Variants in PUM3 observed in about 807,000 individuals in gnomAD.
PUM3 encodes the protein pumilio homolog 3.
In PUM3, 91 loss-of-function variants were observed where a neutral mutation model predicts 84.0. The ratio of observed to expected loss-of-function variants is 1.08; its 90% CI spans 0.91 to 1.29. The LOEUF (loss-of-function observed/expected upper bound fraction) is 1.29, where lower values mean the gene tolerates loss of function less well. PUM3 is among the 50% of genes most tolerant of loss of function. The pLI, the probability that PUM3 is intolerant of heterozygous loss-of-function variation, is 0.00. For synonymous variants in PUM3, 321 were observed against 266.7 expected, an observed-to-expected ratio of 1.20 and a Z score of -1.98; for missense variants, 1,067 against 767.5, an observed-to-expected ratio of 1.39 and a Z score of -4.61.
intron 13 of PUM3, among the ~76,000 whole-genome samples, chr9:2,819,291 A>C (rs904876514): frequency 1.3e-5 from 2 of 152,210 alleles, no homozygotes; most frequent in Admixed American, 1.3e-4. Context: ...TTTAGAATGC[A>C]ATTTTTACTT....
At chr9:2,825,854 G>C (rs1357751975) in intron 10 of PUM3, among the ~76,000 whole-genome samples, 1 of 152,138 alleles carries the variant, frequency 6.6e-6, no homozygotes, top group African/African-American at 2.4e-5. Context: ...CTCCATTTTA[G>C]TCTATTCCCA....
intron 11 of PUM3, among the ~76,000 whole-genome samples, chr9:2,824,155 T>C (rs1382673051): frequency 6.6e-6 from 1 of 152,136 alleles, no homozygotes; most frequent in Non-Finnish European, 1.5e-5. Flanking sequence ...ATGCAGAGTC[T>C]AGCAAACAGT....
chr9:2,839,989 C>T (rs1286221321), intron 1 of PUM3, among the ~76,000 whole-genome samples: 6 of 152,158 alleles, frequency 3.9e-5, no homozygotes, highest in Non-Finnish European at 8.8e-5. Flanking sequence ...CTAATATCCT[C>T]TTTCTGTACC....
At chr9:2,804,564 C>G (rs1259199869) in intron 17 of PUM3, 101 bp from the exon 18 acceptor site, 8 of 1,076,442 alleles carry the variant, frequency 7.4e-6, no homozygotes, top group Non-Finnish European at 1.1e-5. Context: ...GTGACACAAG[C>G]CTTGTAACTA....
chr9:2,806,925 C>T (rs1412090830), intron 17 of PUM3, among the ~76,000 whole-genome samples: 1 of 152,136 alleles, frequency 6.6e-6, no homozygotes, highest in Non-Finnish European at 1.5e-5. Flanking sequence ...AAAAAAAATA[C>T]AGGCTGGGCA....
intron 5 of PUM3, among the ~76,000 whole-genome samples, chr9:2,832,213 T>C (rs555224646): frequency 1.3e-5 from 2 of 152,322 alleles, no homozygotes; most frequent in East Asian, 3.9e-4. Context: ...TGTGCATATA[T>C]TGAGCACCTA....
chr9:2,807,087 C>T (rs1040782253), intron 17 of PUM3, among the ~76,000 whole-genome samples: 7 of 151,898 alleles, frequency 4.6e-5, no homozygotes, highest in Admixed American at 2.6e-4. Flanking sequence ...GGGCACCTGC[C>T]GTTCCAGCTA....
chr9:2,843,080 G>A (rs902276117), intron 1 of PUM3, among the ~76,000 whole-genome samples: 5 of 151,948 alleles, frequency 3.3e-5, no homozygotes, highest in Non-Finnish European at 7.4e-5. Context: ...AGAGAACCAG[G>A]GCCTATTCAT....
chr9:2,811,504 C>A lies in PUM3; in HGVS notation c.1492G>T (p.Ala498Ser), dbSNP rs546343746. The stretch of plus-strand genomic sequence containing the variant: ...GACTTATCTAGCACCACTTCTTGGG[C>A]GTGTTCTTGCAGGTAGCTTAACAAA... ...PALLSYLQEH[A>S]QEVVLDKSAC... Residue 498 changes from alanine to serine, a missense_variant, in exon 15 of 18, where the codon GCC (alanine) becomes TCC (serine). Transcript: ENST00000397885. 4 of 1,614,148 alleles carry A rather than the reference C, an allele frequency of 2.5e-6. No individual in the cohort carries two copies. The highest frequency in any genetic ancestry group is 2.2e-5 in the East Asian group (1 of 44,872).
At chr9:2,821,604 C>T (rs1051738648) in intron 12 of PUM3, among the ~76,000 whole-genome samples, 2 of 152,058 alleles carry the variant, frequency 1.3e-5, no homozygotes, top group Non-Finnish European at 2.9e-5. Context: ...AAACCTCTGA[C>T]AATAGACTAA....
intron 15 of PUM3, 37 bp from the exon 16 acceptor site, chr9:2,810,468 T>A (rs1435213760): frequency 5.0e-6 from 7 of 1,401,932 alleles, no homozygotes; most frequent in Non-Finnish European, 7.0e-6. Flanking sequence ...TTAAAAGTTG[T>A]TTTCATTCAT....
chr9:2,838,114 A>T (rs2129887587), intron 2 of PUM3, among the ~76,000 whole-genome samples: 1 of 152,316 alleles, frequency 6.6e-6, no homozygotes, highest in South Asian at 2.1e-4. Flanking sequence ...TATGAGCAGT[A>T]TGTATTAAAC....
Position 2,831,044 on chromosome 9 carries a change from A to G in PUM3, c.611-16T>C, listed in dbSNP as rs774866718. ...ACCAAATCATCTGAAAAACAAAAAT[A>G]CATTACAGTGACTTCAGATCTCATT... On this transcript the variant is annotated splice_polypyrimidine_tract_variant and intron_variant, in intron 6 of 17. Transcript: ENST00000397885. 32 of 1,301,616 alleles carry G rather than the reference A, an allele frequency of 2.5e-5. No individual in the cohort carries two copies. Among genetic ancestry groups the G allele is most frequent in the Non-Finnish European group, 3.4e-5 (31 of 906,426 alleles). 80.6% of individuals were successfully genotyped at this position (1,301,616 alleles called of 1,614,324 possible).
At chr9:2,822,523 A>G (rs1450584364) in intron 12 of PUM3, among the ~76,000 whole-genome samples, 2 of 151,800 alleles carry the variant, frequency 1.3e-5, no homozygotes, top group African/African-American at 2.4e-5. Context: ...GTGTTAAATT[A>G]CCTGACATAA....
intron 13 of PUM3, among the ~76,000 whole-genome samples, chr9:2,819,621 C>T (rs1481683814): frequency 1.3e-5 from 2 of 152,028 alleles, no homozygotes; most frequent in Non-Finnish European, 2.9e-5. Flanking sequence ...TTTAATAGGT[C>T]ACAGATACTC....
chr9:2,820,201 C>CAAAA (rs58442595), intron 12 of PUM3, 103 bp from the exon 13 acceptor site: 6 of 150,744 alleles, frequency 4.0e-5, no homozygotes, highest in Non-Finnish European at 4.9e-5. Flanking sequence ...AGACTCCGCT[C>CAAAA]AAAAAAAAAA....
intron 1 of PUM3, 99 bp from the exon 2 acceptor site, chr9:2,838,616 C>A: frequency 1.4e-6 from 1 of 723,994 alleles, no homozygotes; most frequent in Admixed American, 2.3e-5. Context: ...CTTCAGTCTA[C>A]AAATACAATA....
Position 2,828,737 on chromosome 9 carries a change from C to T in PUM3, c.894G>A (p.Gln298=). The part of the protein sequence containing the change: ...HRTLDKVLEV[Q]PEKLELIMDE... ...CCATAATAAGTTCTAATTTTTCTGG[C>T]TGTACCTCTAACACTTTGTCCAGAG... Residue 298 remains glutamine (Q), a synonymous_variant, in exon 9 of 18, where the codon CAG becomes CAA. Coordinates refer to ENST00000397885, the MANE Select transcript of PUM3 (RefSeq NM_014878.5). 1 of 1,609,398 alleles carries T rather than the reference C, an allele frequency of 6.2e-7. No homozygotes were observed. Among genetic ancestry groups the T allele is most frequent in the Non-Finnish European group, 8.5e-7 (1 of 1,175,846 alleles).
At chr9:2,835,422 G>GA (rs1563835417) in intron 3 of PUM3, among the ~76,000 whole-genome samples, 1 of 151,892 alleles carries the variant, frequency 6.6e-6, no homozygotes, top group African/African-American at 2.4e-5. Context: ...CCTCAAAAAA[G>GA]AAAAAAATTC....
Sources: allele counts gnomAD v4.1 joint callset (sites outside exome capture counted in the v4.1 genomes callset), GRCh38; gene constraint gnomAD v4.1.1; transcripts MANE v1.5; gene names NCBI Gene and HGNC (gene_info 2026-07-23, HGNC 2026-07-21).